Variants in DOCK11 observed in about 807,000 individuals in gnomAD.
DOCK11 encodes the protein dedicator of cytokinesis 11, also known as dedicator of cytokinesis protein 11.
DOCK11 carries 70 observed loss-of-function variants against 169.1 expected under a neutral mutation model. The ratio of observed to expected loss-of-function variants is 0.41; its 90% CI spans 0.34 to 0.51. DOCK11 has a LOEUF of 0.51. Ranked by LOEUF, DOCK11 falls within the 20% of genes least tolerant of loss-of-function variation. The pLI, the probability that DOCK11 is intolerant of heterozygous loss-of-function variation, is 0.10. For synonymous variants in DOCK11, 529 were observed against 541.3 expected (o/e 0.98, Z 0.32); for missense variants, 1,166 against 1,538.8 (o/e 0.76, Z 4.05).
At chrX:118,661,044 A>G (rs2016201288) in intron 44 of DOCK11, among the ~76,000 whole-genome samples, 2 of 109,033 alleles carry the variant, frequency 1.8e-5, no homozygotes, top group Non-Finnish European at 3.8e-5. Context: ...CCTGGTCTCT[A>G]CAAAATATAT....
intron 35 of DOCK11, among the ~76,000 whole-genome samples, chrX:118,634,652 A>T (rs908774464): frequency 1.8e-5 from 2 of 112,634 alleles, no homozygotes; most frequent in Non-Finnish European, 3.8e-5. Flanking sequence ...CTGGGGGGGA[A>T]CCCAAGCTTC....
chrX:118,634,538 A>C (rs1261144182), intron 35 of DOCK11, among the ~76,000 whole-genome samples: 1 of 111,646 alleles, frequency 9.0e-6, no homozygotes, highest in Non-Finnish European at 1.9e-5. Flanking sequence ...GGAGGCACCA[A>C]CTTTTCGGCT....
intron 11 of DOCK11, among the ~76,000 whole-genome samples, chrX:118,572,666 G>C (rs1245047320): frequency 8.9e-6 from 1 of 111,906 alleles, no homozygotes; most frequent in African/African-American, 3.2e-5. Flanking sequence ...AAACATCTTT[G>C]TATGACTGAG....
chrX:118,649,611 C>T (rs768331662), intron 41 of DOCK11, among the ~76,000 whole-genome samples: 4 of 111,572 alleles, frequency 3.6e-5, no homozygotes, highest in Non-Finnish European at 7.5e-5. Flanking sequence ...CTCCACCTCC[C>T]GGGCTCAAGT....
In DOCK11 at chrX:118,544,644, G is replaced by GTTTTTT. The variant is rs1439441148; in HGVS notation, c.393-679_393-678insTTTTTT. On this transcript the variant is annotated intron_variant, in intron 4 of 52. Coordinates refer to ENST00000276202, the MANE Select transcript of DOCK11 (RefSeq NM_144658.4). ...ATGCAAGAGCCAGAATTACACTGTT[G>GTTTTTT]CTTTTTTTTTTTTTTTTTTTTTTTT... Among the ~76,000 whole-genome samples the GTTTTTT allele has an allele frequency of 5.2e-4, 24 of 45,738 alleles. No individual in the cohort carries two copies. In the South Asian group the frequency reaches 5.5e-3, roughly 11 times the overall value. 39.7% of individuals were successfully genotyped at this position (45,738 alleles called of 115,157 possible).
chrX:118,679,957 C>T lies in DOCK11; in HGVS notation c.5461-525C>T, dbSNP rs182608539. ...TTTTTTTTTTTTGGAGACAGAGTTT[C>T]ACTTTGTCGCCCAGACTGGAGTTCA... On this transcript the variant is annotated intron_variant, in intron 48 of 52. Coordinates refer to ENST00000276202, the MANE Select transcript of DOCK11 (RefSeq NM_144658.4). Among the ~76,000 whole-genome samples the T allele has an allele frequency of 4.4e-4, 27 of 60,960 alleles. No individual in the cohort carries two copies. The Admixed American group carries it at 6.2e-3, about 14-fold the overall frequency. 52.9% of individuals were successfully genotyped at this position (60,960 alleles called of 115,157 possible). A position where few individuals can be genotyped will look rare whatever the true frequency, so the allele number is the denominator to read the frequency against.
chrX:118,623,899 G>A (rs2015034693), intron 31 of DOCK11, among the ~76,000 whole-genome samples: 1 of 112,572 alleles, frequency 8.9e-6, no homozygotes, highest in Non-Finnish European at 1.9e-5. Flanking sequence ...TCTATAAGCT[G>A]AGGAAAGAAA....
chrX:118,546,498 G>A lies in DOCK11; in HGVS notation c.558+382G>A, dbSNP rs553465136. Among the ~76,000 whole-genome samples, 4 of 111,914 alleles carry A rather than the reference G, an allele frequency of 3.6e-5. No individual in the cohort carries two copies. In the East Asian group the frequency reaches 1.1e-3, roughly 31 times the overall value. On this transcript the variant is annotated intron_variant, in intron 6 of 52. Coordinates refer to ENST00000276202, the MANE Select transcript of DOCK11 (RefSeq NM_144658.4). ...AGGTACTTATTACATATTAGTCACT[G>A]TGGGGAAATATGTAGATATCTAAGA...
At chrX:118,679,640 G>A (rs2016692690) in intron 48 of DOCK11, among the ~76,000 whole-genome samples, 1 of 111,133 alleles carries the variant, frequency 9.0e-6, no homozygotes, top group Non-Finnish European at 1.9e-5. Context: ...ACGGGAAGCT[G>A]AAGTGGGAGG....
At chrX:118,577,960 A>G (rs1450057698) in intron 12 of DOCK11, among the ~76,000 whole-genome samples, 1 of 111,868 alleles carries the variant, frequency 8.9e-6, no homozygotes, top group East Asian at 2.8e-4. Context: ...ATTCAAAGAA[A>G]AATGTAATTT....
At chrX:118,610,797 G>A (rs1315608480) in intron 28 of DOCK11, among the ~76,000 whole-genome samples, 1 of 111,726 alleles carries the variant, frequency 9.0e-6, no homozygotes, top group Non-Finnish European at 1.9e-5. Flanking sequence ...CCAGCACTTT[G>A]GGAGGCCGAG....
chrX:118,644,463 C>T (rs1313140364), intron 40 of DOCK11, among the ~76,000 whole-genome samples: 1 of 111,830 alleles, frequency 8.9e-6, no homozygotes, highest in Admixed American at 9.5e-5. Flanking sequence ...CCAAGTTCAA[C>T]ACAAGCATGT....
chrX:118,566,330 T>C, intron 8 of DOCK11, 148 bp downstream of exon 8: 1 of 607,741 alleles, frequency 1.6e-6, no homozygotes, highest in Non-Finnish European at 2.5e-6. Context: ...GTTGATAGAC[T>C]TTTTTTAAAC....
intron 4 of DOCK11, among the ~76,000 whole-genome samples, chrX:118,544,968 G>A (rs1349549894): frequency 9.2e-6 from 1 of 109,289 alleles, no homozygotes; most frequent in African/African-American, 3.3e-5. Flanking sequence ...ACCACGCCTG[G>A]CCTGTGTTGC....
rs1285249890 is a variant in DOCK11, at chrX:118,619,496, A to T, written c.3471+768A>T. On this transcript the variant is annotated intron_variant, in intron 31 of 52. Transcript: ENST00000276202. ...ACTCTGTCTCAAAAAAAAAAAAAAA[A>T]AATATATATATATATATAGTTTAGT... Among the ~76,000 whole-genome samples, 10 of 97,190 alleles carry T rather than the reference A, an allele frequency of 1.0e-4. No individual in the cohort carries two copies. The East Asian group carries it at 3.0e-3, about 29-fold the overall frequency. 84.4% of individuals were successfully genotyped at this position (97,190 alleles called of 115,157 possible).
chrX:118,535,817 G>C (rs748575024), intron 1 of DOCK11, among the ~76,000 whole-genome samples: 5 of 111,452 alleles, frequency 4.5e-5, no homozygotes, highest in African/African-American at 1.6e-4. Context: ...TGGCAAGTTG[G>C]GTTCTGCTAG....
chrX:118,517,988 C>T (rs759272597), intron 1 of DOCK11, among the ~76,000 whole-genome samples: 1 of 111,531 alleles, frequency 9.0e-6, no homozygotes, highest in African/African-American at 3.3e-5. Flanking sequence ...AAATGTATCT[C>T]AGGTTGTTGA....
chrX:118,540,712 AG>A (rs1273050753), intron 1 of DOCK11, among the ~76,000 whole-genome samples: 2 of 111,845 alleles, frequency 1.8e-5, no homozygotes, highest in South Asian at 7.5e-4. Context: ...AATTGGGTAT[AG>A]CTGTGACCTG....
intron 24 of DOCK11, among the ~76,000 whole-genome samples, chrX:118,606,254 A>C (rs942927645): frequency 4.5e-5 from 5 of 110,579 alleles, no homozygotes; most frequent in African/African-American, 9.9e-5. Context: ...TTTTTAGTAG[A>C]GATGGGGTTT....
Sources: allele counts gnomAD v4.1 joint callset (sites outside exome capture counted in the v4.1 genomes callset), GRCh38; gene constraint gnomAD v4.1.1; transcripts MANE v1.5; gene names NCBI Gene and HGNC (gene_info 2026-07-23, HGNC 2026-07-21).